Variants in PDE2A observed in about 807,000 individuals in gnomAD.
PDE2A encodes the protein cGMP-dependent 3',5'-cyclic phosphodiesterase.
Under a neutral mutation model 133.6 loss-of-function variants are expected in PDE2A, and 53 were observed. The observed-to-expected ratio is 0.40, with a 90% confidence interval of 0.32 to 0.50. The LOEUF is 0.50. PDE2A is among the 20% of genes least tolerant of loss of function. The pLI is 0.73. For missense variants in PDE2A, 796 were observed against 1,232.4 expected, an observed-to-expected ratio of 0.65 and a Z score of 5.30; for synonymous variants, 491 against 490.2, an observed-to-expected ratio of 1.00 and a Z score of -0.02.
Position 72,582,429 on chromosome 11 carries a change from AG to A in PDE2A, c.1851+14del. ...ACCTTCGGCCTGGCCAGTCAAGTGGAGGAGAGCAACTCACCATGGACGTGTC... is the reference window on the plus strand; with the variant it reads ...ACCTTCGGCCTGGCCAGTCAAGTGGAGAGAGCAACTCACCATGGACGTGTC... On this transcript the variant is annotated intron_variant, in intron 21 of 30. Coordinates refer to ENST00000334456, the MANE Select transcript of PDE2A (RefSeq NM_002599.5). 1 of 1,612,700 alleles carries A rather than the reference AG, an allele frequency of 6.2e-7. No homozygotes were observed. Among genetic ancestry groups the A allele is most frequent in the Non-Finnish European group, 8.5e-7 (1 of 1,179,290 alleles).
At chr11:72,636,720 T>C (rs1157130305) in intron 2 of PDE2A, among the ~76,000 whole-genome samples, 2 of 152,082 alleles carry the variant, frequency 1.3e-5, no homozygotes, top group African/African-American at 4.8e-5. Context: ...CCCTGGCCAC[T>C]CCGTCCCCTC....
chr11:72,632,497 C>T (rs7924891), intron 2 of PDE2A, among the ~76,000 whole-genome samples: 253 of 152,234 alleles, frequency 1.7e-3, no homozygotes, highest in African/African-American at 5.9e-3. Context: ...GTGGCAGGGT[C>T]ACCCATGTGC....
Position 72,578,639 on chromosome 11 carries a change from C to T in PDE2A, c.2470-125G>A, listed in dbSNP as rs1021985286. 6 of 855,418 alleles carry T rather than the reference C, an allele frequency of 7.0e-6. No individual in the cohort carries two copies. Among genetic ancestry groups the T allele is most frequent in the Admixed American group, 2.0e-5 (1 of 49,836 alleles). The allele number at this position is 855,418 out of a possible 1,614,324, so 53.0% of individuals were successfully genotyped here. Reference sequence around the variant, plus strand: ...TTCAGTCCCAGCTCAGGAGCCGTCCCCACCAGCCCCAGCTTGGCAGTGGGA... The same window carrying T: ...TTCAGTCCCAGCTCAGGAGCCGTCCTCACCAGCCCCAGCTTGGCAGTGGGA... On this transcript the variant is annotated intron_variant, in intron 28 of 30. Transcript: ENST00000334456. This position sits in a 1 kb window ranked among gnomAD's most constrained non-coding sequence, Gnocchi z 4.2.
At chr11:72,584,001 T>C (rs1855840022) in intron 19 of PDE2A, among the ~76,000 whole-genome samples, 200 bp downstream of exon 19, 1 of 151,976 alleles carries the variant, frequency 6.6e-6, no homozygotes, top group African/African-American at 2.4e-5. Context: ...GGGCAGGAAA[T>C]CGTATGCCCA....
chr11:72,631,902 T>C (rs1351971941), intron 2 of PDE2A, among the ~76,000 whole-genome samples: 1 of 150,656 alleles, frequency 6.6e-6, no homozygotes, highest in Non-Finnish European at 1.5e-5. Context: ...ACAAGCCTAC[T>C]CAGGCATCGG....
At position 72,576,342 on chromosome 11, in the gene PDE2A, A is replaced by G. The variant is rs1276911121; in HGVS notation, c.*1042T>C. ...GAGAAGCCAGTGGCCGGGCTGACCC[A>G]AGAGTCCCGGCCCTATGGGGTCTCC... On this transcript the variant is annotated 3_prime_UTR_variant, in exon 31 of 31. Coordinates refer to ENST00000334456, the MANE Select transcript of PDE2A (RefSeq NM_002599.5). The G allele has an allele frequency of 6.6e-6, 1 of 151,516 alleles. No homozygotes were observed. The highest frequency in any genetic ancestry group is 1.5e-5 in the Non-Finnish European group (1 of 68,014). The allele number at this position is 151,516 out of a possible 1,614,324, so 9.4% of individuals were successfully genotyped here. A position where few individuals can be genotyped will look rare whatever the true frequency, so the allele number is the denominator to read the frequency against.
At chr11:72,615,922 C>T (rs1221497423) in intron 2 of PDE2A, among the ~76,000 whole-genome samples, 1 of 152,178 alleles carries the variant, frequency 6.6e-6, no homozygotes, top group East Asian at 1.9e-4. Context: ...GGCCAAGGCC[C>T]TGCCACCAGG....
At chr11:72,674,114 C>A in intron 1 of PDE2A, 23 bp downstream of exon 1, 3 of 1,610,238 alleles carry the variant, frequency 1.9e-6, no homozygotes, top group Non-Finnish European at 1.7e-6. Context: ...CCGCTCACCA[C>A]CCCAGCCCCT....
intron 22 of PDE2A, 148 bp from the exon 23 acceptor site, chr11:72,581,627 A>C: frequency 2.0e-6 from 2 of 983,266 alleles, no homozygotes. Flanking sequence ...GTTCCTATGC[A>C]CATCTAACTT....
chr11:72,604,069 G>T (rs752509730), intron 4 of PDE2A, among the ~76,000 whole-genome samples: 3 of 152,224 alleles, frequency 2.0e-5, no homozygotes, highest in Non-Finnish European at 4.4e-5. Context: ...CCTCACAGGG[G>T]TAGAGAGCTG....
rs775213061 is a variant in PDE2A at position 72,674,120 on chromosome 11, C to T, written c.71+17G>A. ...CTCTCACAGCCGCTCACCACCCCAG[C>T]CCCTCACTATACTCACGGCTCAGCC... On this transcript the variant is annotated intron_variant, in intron 1 of 30. Coordinates refer to ENST00000334456, the MANE Select transcript of PDE2A (RefSeq NM_002599.5). 3.7e-6 allele frequency: 6 copies of T among 1,611,608 alleles called. 1 individual carries two copies. In the South Asian group the frequency reaches 6.6e-5, roughly 18 times the overall value.
chr11:72,616,371 C>G lies in PDE2A; in HGVS notation c.145-7620G>C, dbSNP rs141459802. 4.6e-3 allele frequency among the ~76,000 whole-genome samples: 697 copies of G among 152,340 alleles called. 2 individuals are homozygous for G. Among genetic ancestry groups the G allele is most frequent in the Non-Finnish European group, 7.7e-3 (527 of 68,036 alleles). On this transcript the variant is annotated intron_variant, in intron 2 of 30. Coordinates refer to ENST00000334456, the MANE Select transcript of PDE2A (RefSeq NM_002599.5). The stretch of plus-strand genomic sequence containing the variant: ...CTGTGTGCATCAATGCAGTGCCACC[C>G]TTTCCCGTCTGGCTCCCACAACAGA...
intron 2 of PDE2A, among the ~76,000 whole-genome samples, chr11:72,640,578 G>T (rs929005249): frequency 2.0e-5 from 3 of 152,046 alleles, no homozygotes; most frequent in African/African-American, 4.8e-5. Context: ...TATTACCCAA[G>T]CAATCCCAGG....
chr11:72,612,844 G>C (rs907849), intron 2 of PDE2A, among the ~76,000 whole-genome samples: 1 of 152,158 alleles, frequency 6.6e-6, no homozygotes, highest in South Asian at 2.1e-4. Context: ...CACGGACTTA[G>C]CTTTCATTCA....
At chr11:72,598,536 G>C (rs1216576295) in intron 4 of PDE2A, 2 of 1,289,142 alleles carry the variant, frequency 1.6e-6, no homozygotes, top group East Asian at 1.1e-4. Context: ...GTCACTCCTT[G>C]ATGATTAATT....
chr11:72,617,096 G>A (rs928223404), intron 2 of PDE2A, among the ~76,000 whole-genome samples: 12 of 152,194 alleles, frequency 7.9e-5, no homozygotes, highest in African/African-American at 2.9e-4. Flanking sequence ...CTTGTCTTTG[G>A]GGCCCCTCTA....
In PDE2A at chr11:72,619,012, C is replaced by T. The variant is rs1318796888; in HGVS notation, c.145-10261G>A. 2.6e-5 allele frequency among the ~76,000 whole-genome samples: 4 copies of T among 152,262 alleles called. No individual in the cohort carries two copies. The South Asian group carries it at 6.2e-4, about 24-fold the overall frequency. ...TCTCCTACTTTCCTTCCTCACATCC[C>T]GAGGATCTGGGAGCCAGCATGAGCA... On this transcript the variant is annotated intron_variant, in intron 2 of 30. Transcript: ENST00000334456.
Position 72,596,482 on chromosome 11 carries a change from T to TCACACACACA in PDE2A, c.489+110_489+111insTGTGTGTGTG, listed in dbSNP as rs1341571702. 2.2e-4 allele frequency: 49 copies of TCACACACACA among 220,798 alleles called. No homozygotes were observed. In the African/African-American group the frequency reaches 2.2e-3, roughly 10 times the overall value. The allele number at this position is 220,798 out of a possible 1,614,324, so 13.7% of individuals were successfully genotyped here. On this transcript the variant is annotated intron_variant, in intron 6 of 30. Transcript: ENST00000334456. ...ATCTCTCTCTCTCTCTCTCTCTCTC[T>TCACACACACA]CTCACACACACACACACACACACAC...
intron 2 of PDE2A, among the ~76,000 whole-genome samples, chr11:72,617,471 T>C (rs1042116551): frequency 1.3e-5 from 2 of 152,162 alleles, no homozygotes; most frequent in African/African-American, 4.8e-5. Context: ...CCCTGGGCGC[T>C]CTCTCTGTGC....
Sources: allele counts gnomAD v4.1 joint callset (sites outside exome capture counted in the v4.1 genomes callset), GRCh38; gene constraint gnomAD v4.1.1; non-coding constraint Gnocchi (gnomAD v3.1); transcripts MANE v1.5; gene names NCBI Gene and HGNC (gene_info 2026-07-23, HGNC 2026-07-21).